Variants in CDKL1 observed in about 807,000 individuals in gnomAD.
CDKL1 encodes the protein cyclin dependent kinase like 1.
Under a neutral mutation model 42.0 loss-of-function variants are expected in CDKL1, and 41 were observed. That is an observed-to-expected ratio of 0.98 (90% confidence interval 0.76 to 1.27). CDKL1 has a LOEUF of 1.27. Among genes scored for constraint, CDKL1 ranks in the 50% most tolerant of loss-of-function variants. The probability of loss-of-function intolerance (pLI) is 0.00; values close to 1 mark genes in which losing one functional copy is unlikely to be tolerated. For missense variants in CDKL1, 394 were observed against 428.4 expected (o/e 0.92, Z 0.71); for synonymous variants, 153 against 158.6 (o/e 0.96, Z 0.26).
At chr14:50,341,379 TTAAA>T in intron 5 of CDKL1, 147 bp from the exon 6 acceptor site, 1 of 1,077,926 alleles carries the variant, frequency 9.3e-7, no homozygotes, top group East Asian at 5.8e-5. Context: ...TTCAAATCAC[TTAAA>T]TAAATATTTT....
At chr14:50,342,658 A>T (rs1001624785) in intron 4 of CDKL1, 2 of 236,656 alleles carry the variant, frequency 8.5e-6, no homozygotes, top group African/African-American at 4.7e-5. Flanking sequence ...TGAAAGGGAA[A>T]ATGTTGAAAG....
intron 2 of CDKL1, among the ~76,000 whole-genome samples, chr14:50,384,836 C>T (rs1311135781): frequency 1.3e-5 from 2 of 151,674 alleles, no homozygotes; most frequent in South Asian, 2.1e-4. Context: ...TTTAGGAGGC[C>T]GAGGTGGGTG....
intron 2 of CDKL1, among the ~76,000 whole-genome samples, chr14:50,375,625 C>T (rs1235123628): frequency 1.3e-5 from 2 of 152,054 alleles, no homozygotes; most frequent in South Asian, 2.1e-4. Context: ...GGTGAAACCC[C>T]GTCTCTACTA....
At chr14:50,378,513 C>A (rs7151046) in intron 2 of CDKL1, 546,686 of 1,123,244 alleles carry the variant, frequency 0.49, 134,730 homozygotes, top group East Asian at 0.76. Flanking sequence ...AGGACACCTG[C>A]AGACAGTTCT....
At position 50,395,992 on chromosome 14, in the gene CDKL1, C is replaced by G; in HGVS notation, c.-124G>C. On this transcript the variant is annotated 5_prime_UTR_variant, in exon 2 of 10. Transcript: ENST00000395834. ...CTGAGGTCAGGAGTTCGAGACCAGT[C>G]TGGCCAACATACTGAAACTCCGTCT... 1.9e-6 allele frequency: 2 copies of G among 1,053,270 alleles called. No homozygotes were observed. The highest frequency in any genetic ancestry group is 3.0e-5 in the South Asian group (2 of 67,142). 65.2% of individuals were successfully genotyped at this position (1,053,270 alleles called of 1,614,324 possible).
At chr14:50,388,587 T>G (rs897203391) in intron 2 of CDKL1, among the ~76,000 whole-genome samples, 4 of 152,230 alleles carry the variant, frequency 2.6e-5, no homozygotes, top group Admixed American at 1.3e-4. Context: ...TCCTCTTCTA[T>G]GTTTACTCCC....
At chr14:50,377,788 T>C (rs2034778675) in intron 2 of CDKL1, 1 of 1,096,436 alleles carries the variant, frequency 9.1e-7, no homozygotes, top group African/African-American at 1.6e-5. Flanking sequence ...TTGAATAAGC[T>C]GGCTCTTGTT....
intron 3 of CDKL1, among the ~76,000 whole-genome samples, chr14:50,354,446 T>G (rs1417332649): frequency 1.3e-5 from 2 of 152,222 alleles, no homozygotes; most frequent in Non-Finnish European, 1.5e-5. Context: ...TAATTAAATC[T>G]GTGCAGGAAA....
At chr14:50,387,326 A>G (rs1176096872) in intron 2 of CDKL1, among the ~76,000 whole-genome samples, 1 of 152,132 alleles carries the variant, frequency 6.6e-6, no homozygotes, top group Non-Finnish European at 1.5e-5. Flanking sequence ...GTTCACAACC[A>G]GCCTGTCCAA....
At chr14:50,337,913 C>T (rs2033367321) in intron 7 of CDKL1, among the ~76,000 whole-genome samples, 1 of 152,008 alleles carries the variant, frequency 6.6e-6, no homozygotes, top group Non-Finnish European at 1.5e-5. Flanking sequence ...GCCCCTGATC[C>T]ACCTGCCTCA....
chr14:50,332,595 A>T (rs2033017996), intron 8 of CDKL1, 163 bp from the exon 9 acceptor site: 2 of 1,485,280 alleles, frequency 1.3e-6, no homozygotes, highest in African/African-American at 1.4e-5. Context: ...AGTCATTCCT[A>T]AATGGCACTC....
intron 3 of CDKL1, 136 bp from the exon 4 acceptor site, chr14:50,345,194 C>A: frequency 1.4e-6 from 1 of 704,114 alleles, no homozygotes; most frequent in Non-Finnish European, 2.3e-6. Context: ...ACTCATCAAT[C>A]ATTCCATGAA....
At chr14:50,347,568 T>G (rs2033769447) in intron 3 of CDKL1, among the ~76,000 whole-genome samples, 1 of 152,194 alleles carries the variant, frequency 6.6e-6, no homozygotes, top group Admixed American at 6.5e-5. Context: ...CATCAGGTTT[T>G]TAGCTTGAGT....
Position 50,358,946 on chromosome 14 carries a change from A to C in CDKL1, c.290+82T>G, listed in dbSNP as rs115909950. The C allele has an allele frequency of 1.7e-4, 233 of 1,400,440 alleles. No individual in the cohort carries two copies. The African/African-American group carries it at 3.0e-3, about 18-fold the overall frequency. 86.8% of individuals were successfully genotyped at this position (1,400,440 alleles called of 1,614,324 possible). On this transcript the variant is annotated intron_variant, in intron 3 of 9. Coordinates refer to ENST00000395834, the MANE Select transcript of CDKL1 (RefSeq NM_004196.7). Reference sequence around the variant, plus strand: ...TGAGCCACTGCACCCGGCCTTACCTAGTCTTAAAAAGAGTCATTGCCACTT... The same window carrying C: ...TGAGCCACTGCACCCGGCCTTACCTCGTCTTAAAAAGAGTCATTGCCACTT...
At chr14:50,353,288 T>C (rs1354554197) in intron 3 of CDKL1, among the ~76,000 whole-genome samples, 1 of 152,200 alleles carries the variant, frequency 6.6e-6, no homozygotes, top group Non-Finnish European at 1.5e-5. Context: ...ATCAAACCGA[T>C]TTTTAAAAAT....
At position 50,343,199 on chromosome 14, in the gene CDKL1, G is replaced by C. The variant is rs567799630; in HGVS notation, c.364-977C>G. ...TGAGTTGGGTCAAAATACTGCTCAGGGTCCCTAATAATCTTCCTCTTTCCC... is the reference window on the plus strand; with the variant it reads ...TGAGTTGGGTCAAAATACTGCTCAGCGTCCCTAATAATCTTCCTCTTTCCC... On this transcript the variant is annotated intron_variant, in intron 4 of 9. Coordinates refer to ENST00000395834, the MANE Select transcript of CDKL1 (RefSeq NM_004196.7). The C allele has an allele frequency of 3.2e-4, 129 of 401,806 alleles. 4 individuals are homozygous for C. Among genetic ancestry groups the C allele is most frequent in the South Asian group, 2.7e-3 (125 of 46,074 alleles). The allele number at this position is 401,806 out of a possible 1,614,324, so 24.9% of individuals were successfully genotyped here. A position where few individuals can be genotyped will look rare whatever the true frequency, so the allele number is the denominator to read the frequency against.
At chr14:50,344,558 C>A (rs1465162) in intron 4 of CDKL1, among the ~76,000 whole-genome samples, 2 of 149,842 alleles carry the variant, frequency 1.3e-5, no homozygotes, top group Admixed American at 6.6e-5. Context: ...CAGCCTCGAC[C>A]TCCCCAGCTC....
At chr14:50,331,981 A>C in intron 9 of CDKL1, 3 of 1,481,478 alleles carry the variant, frequency 2.0e-6, no homozygotes, top group Non-Finnish European at 2.7e-6. Flanking sequence ...CCTTAGCTGG[A>C]CTCATACTCA....
At chr14:50,332,900 C>G in intron 8 of CDKL1, 1 of 367,246 alleles carries the variant, frequency 2.7e-6, no homozygotes, top group Non-Finnish European at 4.6e-6. Context: ...CTAAAATCAG[C>G]TACTTTTTTT....
Sources: allele counts gnomAD v4.1 joint callset (sites outside exome capture counted in the v4.1 genomes callset), GRCh38; gene constraint gnomAD v4.1.1; transcripts MANE v1.5; gene names NCBI Gene and HGNC (gene_info 2026-07-23, HGNC 2026-07-21).